SLIT2: variants seen among roughly 807,000 people sequenced by gnomAD.
SLIT2 encodes the protein slit homolog 2 protein.
A neutral mutation model predicts 185.7 loss-of-function variants in SLIT2; 41 were observed. The ratio of observed to expected loss-of-function variants is 0.22; its 90% CI spans 0.17 to 0.29. The LOEUF is 0.29. SLIT2 is among the 10% of genes least tolerant of loss of function. The pLI, the probability that SLIT2 is intolerant of heterozygous loss-of-function variation, is 1.00. For synonymous variants in SLIT2, 693 were observed against 680.2 expected (o/e 1.02, Z -0.29); for missense variants, 1,571 against 1,909.0 (o/e 0.82, Z 3.30).
At chr4:20,492,898 CATGTGCTTAATA>C (rs1308121068) in intron 9 of SLIT2, among the ~76,000 whole-genome samples, 2 of 152,024 alleles carry the variant, frequency 1.3e-5, no homozygotes, top group Non-Finnish European at 2.9e-5. Flanking sequence ...AAGTATCTAC[CATGTGCTTAATA>C]ATGTGCTTAG....
Position 20,491,777 on chromosome 4 carries a change from G to T in SLIT2, c.792G>T (p.Met264Ile). 6.2e-7 allele frequency: 1 copy of T among 1,611,206 alleles called. No homozygotes were observed. Residue 264 changes from methionine to isoleucine, a missense_variant, in exon 9 of 37, where the codon ATG becomes ATT. By Grantham distance (10) the Met-to-Ile change is conservative. Coordinates refer to ENST00000504154, the MANE Select transcript of SLIT2 (RefSeq NM_004787.4). ...EFVCSGHQSF[M>I]APSCSVLHCP... ...CTTTTTTAGGTCACCAGTCATTTATGGCTCCTTCTTGTAGTGTTTTGCACT... is the reference window on the plus strand; with the variant it reads ...CTTTTTTAGGTCACCAGTCATTTATTGCTCCTTCTTGTAGTGTTTTGCACT...
chr4:20,618,720 C>G, intron 36 of SLIT2, 48 bp from the exon 37 acceptor site: 2 of 1,531,876 alleles, frequency 1.3e-6, no homozygotes, highest in Non-Finnish European at 1.8e-6. Context: ...CTCTGCATGA[C>G]TTACAGTGAC....
intron 29 of SLIT2, among the ~76,000 whole-genome samples, chr4:20,579,528 GA>G (rs566069851): frequency 7.2e-5 from 11 of 152,086 alleles, no homozygotes; most frequent in Admixed American, 5.2e-4. Flanking sequence ...CGGACAGTAG[GA>G]AATTAGATGT....
rs527460730 is a variant in SLIT2 at position 20,439,030 on chromosome 4, G to A, written c.396-28722G>A. 4.6e-5 allele frequency among the ~76,000 whole-genome samples: 7 copies of A among 152,226 alleles called. No homozygotes were observed. In the East Asian group the frequency reaches 5.8e-4, roughly 13 times the overall value. ...TCTCATTAGAATGTTAGCTCTGTAA[G>A]GGCAAGTCTTAACAGCTATTTCCCC... is the stretch of plus-strand genomic sequence containing the variant. On this transcript the variant is annotated intron_variant, in intron 4 of 36. Transcript: ENST00000504154.
At chr4:20,332,573 T>C (rs1262427035) in intron 4 of SLIT2, among the ~76,000 whole-genome samples, 2 of 152,002 alleles carry the variant, frequency 1.3e-5, no homozygotes, top group Non-Finnish European at 2.9e-5. Flanking sequence ...TTCCACCTAT[T>C]TGGGAGACTG....
At chr4:20,381,170 T>C (rs1233277509) in intron 4 of SLIT2, among the ~76,000 whole-genome samples, 2 of 152,056 alleles carry the variant, frequency 1.3e-5, no homozygotes, top group East Asian at 3.9e-4. Context: ...AGAGAATCAC[T>C]TGAACCCGGG....
At chr4:20,617,681 C>T (rs780827597) in intron 36 of SLIT2, 31 bp downstream of exon 36, 6 of 1,479,906 alleles carry the variant, frequency 4.1e-6, no homozygotes, top group Non-Finnish European at 3.7e-6. Flanking sequence ...ACCTCATTCT[C>T]TTGGCAAAGC....
chr4:20,303,367 G>T (rs1278357730), intron 4 of SLIT2, among the ~76,000 whole-genome samples: 1 of 151,844 alleles, frequency 6.6e-6, no homozygotes, highest in East Asian at 1.9e-4. Context: ...CATTGAGGAG[G>T]AATTTATTTA....
intron 20 of SLIT2, among the ~76,000 whole-genome samples, chr4:20,542,245 A>G (rs900567125): frequency 6.6e-6 from 1 of 152,168 alleles, no homozygotes; most frequent in African/African-American, 2.4e-5. Flanking sequence ...ACTATTTTCC[A>G]TTGTATTGGT....
chr4:20,536,327 G>T (rs747008944), intron 18 of SLIT2, among the ~76,000 whole-genome samples: 11 of 152,012 alleles, frequency 7.2e-5, no homozygotes, highest in Non-Finnish European at 1.5e-4. Flanking sequence ...AGGCCAAGGC[G>T]GGTGGATTAC....
intron 31 of SLIT2, 126 bp from the exon 32 acceptor site, chr4:20,596,289 A>G (rs778112026): frequency 5.1e-5 from 44 of 865,464 alleles, no homozygotes; most frequent in Non-Finnish European, 7.8e-5. Flanking sequence ...AGTTAAGAAT[A>G]CTTGAAAACT....
rs1715511409 is a variant in SLIT2 at position 20,472,517 on chromosome 4, T to TATATCTATATATATATATAG, written c.467+4698_467+4699insCTATATATATATATAGATAT. On this transcript the variant is annotated intron_variant, in intron 5 of 36. Transcript: ENST00000504154. Reference sequence around the variant, plus strand: ...AGATATATATCTATATATAGATAGATATATATCTATATATAGATATATCTA... The same window carrying TATATCTATATATATATATAG: ...AGATATATATCTATATATAGATAGATATATCTATATATATATATAGATATATCTATATATAGATATATCTA... 4.4e-4 allele frequency among the ~76,000 whole-genome samples: 9 copies of TATATCTATATATATATATAG among 20,410 alleles called. 1 individual carries two copies. Among genetic ancestry groups the TATATCTATATATATATATAG allele is most frequent in the Non-Finnish European group, 6.5e-4 (9 of 13,780 alleles). 13.4% of individuals were successfully genotyped at this position (20,410 alleles called of 152,430 possible).
At chr4:20,429,068 C>T (rs566941708) in intron 4 of SLIT2, among the ~76,000 whole-genome samples, 3 of 152,270 alleles carry the variant, frequency 2.0e-5, no homozygotes, top group South Asian at 2.1e-4. Flanking sequence ...ATGGACGTTT[C>T]GACTTTGACT....
intron 4 of SLIT2, among the ~76,000 whole-genome samples, chr4:20,305,128 A>G (rs950471854): frequency 8.5e-5 from 13 of 152,210 alleles, no homozygotes; most frequent in Non-Finnish European, 1.0e-4. Context: ...TCATGATGCT[A>G]TGCCATTTAG....
In SLIT2 at chr4:20,549,135, ATCTTG is replaced by A. The variant is rs771390351; in HGVS notation, c.2489+9_2489+13del. On this transcript the variant is annotated splice_region_variant and intron_variant, in intron 24 of 36. Transcript: ENST00000504154. ...TAAAGTCTCTTCGATTACTGTAAGC[ATCTTG>A]TGTTCAACAGAATATCTCTTTTCTC... 1 of 1,537,446 alleles carries A rather than the reference ATCTTG, an allele frequency of 6.5e-7. No individual in the cohort carries two copies. The highest frequency in any genetic ancestry group is 9.0e-7 in the Non-Finnish European group (1 of 1,111,896).
chr4:20,614,464 T>C (rs1312556169), intron 34 of SLIT2, among the ~76,000 whole-genome samples: 1 of 151,944 alleles, frequency 6.6e-6, no homozygotes, highest in African/African-American at 2.4e-5. Flanking sequence ...GCCAATAGCA[T>C]AGAGGAAAGG....
At position 20,580,018 on chromosome 4, in the gene SLIT2, TA is replaced by T. The variant is rs1403772906; in HGVS notation, c.3089-9625del. Among the ~76,000 whole-genome samples the T allele has an allele frequency of 5.6e-5, 8 of 143,726 alleles. No homozygotes were observed. The East Asian group carries it at 1.6e-3, about 29-fold the overall frequency. 94.3% of individuals were successfully genotyped at this position (143,726 alleles called of 152,430 possible). A position where few individuals can be genotyped will look rare whatever the true frequency, so the allele number is the denominator to read the frequency against. On this transcript the variant is annotated intron_variant, in intron 29 of 36. Coordinates refer to ENST00000504154, the MANE Select transcript of SLIT2 (RefSeq NM_004787.4). Reference sequence around the variant, plus strand: ...ATGTAATATATCATATATAATATATTATTATATATAATATATATTATGTATA... The same window carrying T: ...ATGTAATATATCATATATAATATATTTTATATATAATATATATTATGTATA...
At chr4:20,517,892 T>A (rs1037017841) in intron 11 of SLIT2, among the ~76,000 whole-genome samples, 2 of 151,934 alleles carry the variant, frequency 1.3e-5, no homozygotes, top group African/African-American at 4.8e-5. Flanking sequence ...GCTTTTTCTT[T>A]ATATGTTATG....
intron 4 of SLIT2, among the ~76,000 whole-genome samples, chr4:20,338,959 G>A (rs1468287827): frequency 1.3e-5 from 2 of 151,822 alleles, no homozygotes; most frequent in East Asian, 3.9e-4. Flanking sequence ...TAGGCATGGT[G>A]GCGTGTGCCT....
Sources: allele counts gnomAD v4.1 joint callset (sites outside exome capture counted in the v4.1 genomes callset), GRCh38; gene constraint gnomAD v4.1.1; transcripts MANE v1.5; gene names NCBI Gene and HGNC (gene_info 2026-07-23, HGNC 2026-07-21).